FBRSL1: variants seen among roughly 807,000 people sequenced by gnomAD.
FBRSL1 encodes fibrosin-1-like protein.
Under a neutral mutation model 89.6 loss-of-function variants are expected in FBRSL1, and 51 were observed. That is an observed-to-expected ratio of 0.57 (90% CI 0.45 to 0.72). The LOEUF (loss-of-function observed/expected upper bound fraction) is 0.72, where lower values mean the gene tolerates loss of function less well. Ranked by LOEUF, FBRSL1 falls within the 30% of genes least tolerant of loss-of-function variation. FBRSL1 has a pLI of 0.00. For missense variants in FBRSL1, 1,618 were observed against 1,451.8 expected (o/e 1.11, Z -1.86); for synonymous variants, 779 against 681.1 (o/e 1.14, Z -2.24).
In FBRSL1 at chr12:132,527,981, G is replaced by T; in HGVS notation, c.608G>T (p.Gly203Val). ...DSSAHAVSGR[G>V]YSCDSESGPD... is the part of the protein sequence containing the mutation. ...TCTGCGCATGCGGTCTCGGGGAGAG[G>T]CTACTCTGTAAGTCTCCCAGCACCC... The change falls in exon 4 of 19, where the codon GGC becomes GTC. Residue 203 changes from glycine to valine, a missense_variant. Gly to Val is a moderately radical substitution (Grantham distance 109). Coordinates refer to ENST00000680143, the MANE Select transcript of FBRSL1 (RefSeq NM_001367871.1). 6.4e-7 allele frequency: 1 copy of T among 1,551,278 alleles called. No individual in the cohort carries two copies. The highest frequency in any genetic ancestry group is 8.7e-7 in the Non-Finnish European group (1 of 1,146,808).
chr12:132,557,927 G>A (rs1414546476), intron 5 of FBRSL1, among the ~76,000 whole-genome samples: 9 of 152,186 alleles, frequency 5.9e-5, no homozygotes, highest in Non-Finnish European at 1.3e-4. Flanking sequence ...AGTCCCCAGA[G>A]CAGGGCCTGG....
At chr12:132,503,380 C>T (rs958467343) in intron 1 of FBRSL1, among the ~76,000 whole-genome samples, 4 of 152,188 alleles carry the variant, frequency 2.6e-5, no homozygotes, top group Non-Finnish European at 4.4e-5. Context: ...TGAGGCTTGC[C>T]GGGGCAGTTT....
rs997524996 is a variant in FBRSL1 at position 132,516,605 on chromosome 12, A to C, written c.489+8255A>C. Reference sequence around the variant, plus strand: ...GTCGCCAGCCTAGCCTAACACTTGAAGTCTTTTCTGATCGTACCAGGCACA... The same window carrying C: ...GTCGCCAGCCTAGCCTAACACTTGACGTCTTTTCTGATCGTACCAGGCACA... On this transcript the variant is annotated intron_variant, in intron 2 of 18. Transcript: ENST00000680143. Among the ~76,000 whole-genome samples, 4 of 152,188 alleles carry C rather than the reference A, an allele frequency of 2.6e-5. No homozygotes were observed. In the East Asian group the frequency reaches 7.7e-4, roughly 29 times the overall value.
chr12:132,490,488 G>A lies in FBRSL1; in HGVS notation c.-83G>A. The A allele has an allele frequency of 3.3e-6, 3 of 921,262 alleles. No individual in the cohort carries two copies. Among genetic ancestry groups the A allele is most frequent in the Non-Finnish European group, 3.9e-6 (3 of 775,872 alleles). 57.1% of individuals were successfully genotyped at this position (921,262 alleles called of 1,614,324 possible). On this transcript the variant is annotated 5_prime_UTR_variant, in exon 1 of 19. Coordinates refer to ENST00000680143, the MANE Select transcript of FBRSL1 (RefSeq NM_001367871.1). ...CGCGGCGCACACTCAGCCCGGCGGC[G>A]CCGCGTAGCCGAGGGAGCCCGCCTG...
At chr12:132,512,561 C>T (rs982304880) in intron 2 of FBRSL1, among the ~76,000 whole-genome samples, 7 of 152,264 alleles carry the variant, frequency 4.6e-5, no homozygotes, top group Non-Finnish European at 7.3e-5. Flanking sequence ...TCCCTGTTGT[C>T]AGGCGTGGGG....
intron 1 of FBRSL1, among the ~76,000 whole-genome samples, chr12:132,501,975 A>G (rs2033034083): frequency 6.6e-6 from 1 of 152,130 alleles, no homozygotes; most frequent in African/African-American, 2.4e-5. Context: ...TCTAAATCCA[A>G]ATGACTTGCC....
Position 132,547,999 on chromosome 12 carries a change from G to A in FBRSL1, c.616-4G>A, listed in dbSNP as rs1480359729. The A allele has an allele frequency of 2.6e-6, 4 of 1,550,092 alleles. No individual in the cohort carries two copies. Among genetic ancestry groups the A allele is most frequent in the South Asian group, 1.2e-5 (1 of 84,024 alleles). On this transcript the variant is annotated splice_polypyrimidine_tract_variant and splice_region_variant and intron_variant, in intron 4 of 18. Coordinates refer to ENST00000680143, the MANE Select transcript of FBRSL1 (RefSeq NM_001367871.1). Reference sequence around the variant, plus strand: ...GACTCACTTCTGTCTCTCTGTCCCTGCAGTGTGACAGCGAGAGCGGCCCGG... The same window carrying A: ...GACTCACTTCTGTCTCTCTGTCCCTACAGTGTGACAGCGAGAGCGGCCCGG...
At position 132,546,919 on chromosome 12, in the gene FBRSL1, G is replaced by C. The variant is rs1040990684; in HGVS notation, c.616-1084G>C. ...GGCTGCACATGGAGGGTGGCTGTGC[G>C]TTTGGTTCCCTGCATTAACCCAGTG... On this transcript the variant is annotated intron_variant, in intron 4 of 18. Transcript: ENST00000680143. This position sits in a 1 kb window ranked among gnomAD's most constrained non-coding sequence, Gnocchi z 4.0. 5.9e-5 allele frequency among the ~76,000 whole-genome samples: 9 copies of C among 152,238 alleles called. No individual in the cohort carries two copies. Among genetic ancestry groups the C allele is most frequent in the Non-Finnish European group, 1.2e-4 (8 of 68,048 alleles).
intron 1 of FBRSL1, among the ~76,000 whole-genome samples, chr12:132,495,542 G>A (rs1704708997): frequency 6.6e-6 from 1 of 152,218 alleles, no homozygotes; most frequent in South Asian, 2.1e-4. Flanking sequence ...AACTCCTTGT[G>A]GCTGCTTCCT....
intron 9 of FBRSL1, chr12:132,571,864 G>A (rs1336727762): frequency 3.3e-5 from 11 of 329,308 alleles, no homozygotes; most frequent in Non-Finnish European, 5.0e-5. Context: ...GGTGCCTCCC[G>A]TGTTCCCCGC....
In FBRSL1 at chr12:132,575,374, A is replaced by C. The variant is rs531745676; in HGVS notation, c.1701+810A>C. ...TCCCGAGTAGCTGGGACTACAGGCG[A>C]CCGTCACCACACCCGGCTAATTTTT... On this transcript the variant is annotated intron_variant, in intron 14 of 18. Transcript: ENST00000680143. 9.9e-5 allele frequency among the ~76,000 whole-genome samples: 15 copies of C among 152,238 alleles called. No homozygotes were observed. In the East Asian group the frequency reaches 1.4e-3, roughly 14 times the overall value.
chr12:132,580,366 G>A (rs946916582), intron 15 of FBRSL1, among the ~76,000 whole-genome samples: 5 of 152,182 alleles, frequency 3.3e-5, no homozygotes, highest in Non-Finnish European at 7.3e-5. Context: ...GGGATTACAG[G>A]CGTGAGCCAC....
intron 9 of FBRSL1, chr12:132,571,506 G>A (rs747423062): frequency 1.3e-5 from 19 of 1,507,002 alleles, no homozygotes; most frequent in South Asian, 4.0e-5. Flanking sequence ...CCCCGACGCC[G>A]CCCGCCGCAC....
chr12:132,545,139 T>G (rs2137273516), intron 4 of FBRSL1, among the ~76,000 whole-genome samples: 1 of 152,276 alleles, frequency 6.6e-6, no homozygotes, highest in African/African-American at 2.4e-5. Context: ...GGCGTCTTCT[T>G]TGGAGCCTGA....
At chr12:132,554,599 A>C (rs1360272189) in intron 5 of FBRSL1, 1 of 152,222 alleles carries the variant, frequency 6.6e-6, no homozygotes, top group African/African-American at 2.4e-5. Context: ...AGATCACTTG[A>C]GGTCAGGAGT....
chr12:132,553,112 G>A (rs1278159559), intron 5 of FBRSL1: 1 of 152,688 alleles, frequency 6.5e-6, no homozygotes, highest in Non-Finnish European at 1.5e-5. Context: ...CCACTTCTGG[G>A]AGCATCTTCC....
chr12:132,510,669 C>G, intron 2 of FBRSL1: 8 of 1,228,814 alleles, frequency 6.5e-6, no homozygotes, highest in Non-Finnish European at 8.1e-6. Flanking sequence ...CTGAGGCTCA[C>G]CACACCAGGA....
chr12:132,513,192 G>C (rs1319626169), intron 2 of FBRSL1, among the ~76,000 whole-genome samples: 1 of 152,254 alleles, frequency 6.6e-6, no homozygotes, highest in Admixed American at 6.5e-5. Context: ...TTGCTGACCA[G>C]AAGATGCAGC....
In FBRSL1 at chr12:132,583,749, C is replaced by A. The variant is rs538967317; in HGVS notation, c.2980C>A (p.Arg994=). The A allele has an allele frequency of 5.4e-5, 66 of 1,217,286 alleles. No individual in the cohort carries two copies. In the South Asian group the frequency reaches 2.3e-3, roughly 42 times the overall value. 75.4% of individuals were successfully genotyped at this position (1,217,286 alleles called of 1,614,324 possible). Residue 994 remains arginine, a synonymous_variant, in exon 19 of 19, where the codon CGA becomes AGA. Transcript: ENST00000680143. ...CGAGGCGCGCGACTACTCCCCGTCC[C>A]GAAATCCCCCGGAGGTGGAGGCGCG... The part of the protein sequence containing the change: ...PGEARDYSPS[R]NPPEVEAR
Sources: allele counts gnomAD v4.1 joint callset (sites outside exome capture counted in the v4.1 genomes callset), GRCh38; gene constraint gnomAD v4.1.1; non-coding constraint Gnocchi (gnomAD v3.1); transcripts MANE v1.5; gene names NCBI Gene and HGNC (gene_info 2026-07-23, HGNC 2026-07-21).